PADI4: variants seen among roughly 807,000 people sequenced by gnomAD.
The protein encoded by PADI4 is peptidyl arginine deiminase 4, also known as protein-arginine deiminase type-4.
Under a neutral mutation model 75.0 loss-of-function variants are expected in PADI4, and 62 were observed. That is an observed-to-expected ratio of 0.83 (90% CI 0.67 to 1.02). The LOEUF (loss-of-function observed/expected upper bound fraction) is 1.02. PADI4 is among the 50% of genes least tolerant of loss of function. PADI4 has a pLI of 0.00. For missense variants in PADI4, 845 were observed against 850.5 expected (o/e 0.99, Z 0.08); for synonymous variants, 361 against 348.1 (o/e 1.04, Z -0.41).
chr1:17,351,712 C>T (rs925132629), intron 10 of PADI4, among the ~76,000 whole-genome samples: 27 of 150,782 alleles, frequency 1.8e-4, no homozygotes, highest in Admixed American at 1.6e-3. Context: ...GGGAGGTGAG[C>T]GAGTTGGCCA....
intron 14 of PADI4, 25 bp downstream of exon 14, chr1:17,358,933 C>T (rs1198799900): frequency 6.6e-7 from 1 of 1,520,634 alleles, no homozygotes; most frequent in Admixed American, 1.8e-5. Context: ...GCCTACACCC[C>T]AGCAGACCTG....
intron 1 of PADI4, among the ~76,000 whole-genome samples, chr1:17,324,345 G>C (rs990796796): frequency 6.6e-6 from 1 of 151,888 alleles, no homozygotes; most frequent in African/African-American, 2.4e-5. Context: ...ATGTTTTCAT[G>C]TTGATTTGCC....
At chr1:17,324,733 TTC>T (rs778467342) in intron 1 of PADI4, among the ~76,000 whole-genome samples, 7 of 152,258 alleles carry the variant, frequency 4.6e-5, no homozygotes, top group Non-Finnish European at 1.0e-4. Flanking sequence ...CTGTATCCTC[TTC>T]TAGAGATTCA....
At chr1:17,331,304 G>A (rs1014125652) in intron 2 of PADI4, among the ~76,000 whole-genome samples, 155 bp downstream of exon 2, 1 of 152,128 alleles carries the variant, frequency 6.6e-6, no homozygotes, top group Non-Finnish European at 1.5e-5. Context: ...GTGTCCTTGG[G>A]GACAATAATA....
At chr1:17,336,279 GC>G in intron 4 of PADI4, 53 bp downstream of exon 4, 1 of 1,448,524 alleles carries the variant, frequency 6.9e-7, no homozygotes, top group Non-Finnish European at 9.7e-7. Flanking sequence ...CTCCCCGGGC[GC>G]CCCCTTGTGG....
intron 1 of PADI4, among the ~76,000 whole-genome samples, chr1:17,318,956 G>A (rs1440481226): frequency 6.6e-6 from 1 of 152,072 alleles, no homozygotes; most frequent in African/African-American, 2.4e-5. Flanking sequence ...CCAAAGTGCT[G>A]GGATTACAGG....
At chr1:17,361,782 C>A (rs1315950494) in intron 15 of PADI4, among the ~76,000 whole-genome samples, 1 of 152,224 alleles carries the variant, frequency 6.6e-6, no homozygotes, top group Non-Finnish European at 1.5e-5. Flanking sequence ...AGGCCACCTG[C>A]CAATCTAATG....
At chr1:17,333,672 A>G (rs1391161291) in intron 2 of PADI4, among the ~76,000 whole-genome samples, 2 of 151,294 alleles carry the variant, frequency 1.3e-5, no homozygotes, top group Admixed American at 6.6e-5. Context: ...TCCCAGATCT[A>G]CCTCAAAGCA....
intron 15 of PADI4, 97 bp downstream of exon 15, chr1:17,359,505 C>T (rs1458011087): frequency 2.0e-6 from 3 of 1,529,912 alleles, no homozygotes; most frequent in East Asian, 2.3e-5. Context: ...GAGGGCTTGG[C>T]TCCTCTCTGT....
chr1:17,310,117 C>T (rs182142041), intron 1 of PADI4, among the ~76,000 whole-genome samples: 1 of 152,328 alleles, frequency 6.6e-6, no homozygotes, highest in African/African-American at 2.4e-5. Context: ...GTCACTCTAT[C>T]CCCTGAACAT....
intron 1 of PADI4, 32 bp downstream of exon 1, chr1:17,308,346 C>T: frequency 6.4e-7 from 1 of 1,559,518 alleles, no homozygotes; most frequent in Non-Finnish European, 8.8e-7. Flanking sequence ...GTTTTGGAGG[C>T]AGGTCAGGAG....
intron 2 of PADI4, among the ~76,000 whole-genome samples, chr1:17,332,577 G>GA (rs1279244896): frequency 7.2e-5 from 11 of 152,284 alleles, no homozygotes; most frequent in Admixed American, 7.2e-4. Flanking sequence ...GATCTGCAAA[G>GA]ACTTTTTTTC....
At chr1:17,315,419 C>T (rs1449963533) in intron 1 of PADI4, among the ~76,000 whole-genome samples, 3 of 152,118 alleles carry the variant, frequency 2.0e-5, no homozygotes, top group African/African-American at 4.8e-5. Flanking sequence ...ATGTGTGGGA[C>T]GTACTTGGCA....
chr1:17,359,271 T>A lies in PADI4; in HGVS notation c.1630-9T>A. 1.1e-6 allele frequency: 1 copy of A among 870,616 alleles called. No homozygotes were observed. The highest frequency in any genetic ancestry group is 3.8e-5 in the Admixed American group (1 of 26,108). 53.9% of individuals were successfully genotyped at this position (870,616 alleles called of 1,614,324 possible). A position where few individuals can be genotyped will look rare whatever the true frequency, so the allele number is the denominator to read the frequency against. On this transcript the variant is annotated splice_polypyrimidine_tract_variant and intron_variant, in intron 14 of 15. Transcript: ENST00000375448. ...GTCCCCCACTCACTGCCCCTGCCCC[T>A]TCCCCAAGAGATGCATCGACTGGAA...
intron 1 of PADI4, among the ~76,000 whole-genome samples, chr1:17,318,261 G>T (rs2100666543): frequency 6.6e-6 from 1 of 152,324 alleles, no homozygotes; most frequent in Middle Eastern, 3.4e-3. Context: ...ACCAGGCTGG[G>T]CTGCAAGAGG....
chr1:17,316,949 G>A lies in PADI4; in HGVS notation c.92+8635G>A, dbSNP rs1026551040. Among the ~76,000 whole-genome samples, 6 of 152,162 alleles carry A rather than the reference G, an allele frequency of 3.9e-5. No individual in the cohort carries two copies. The East Asian group carries it at 5.8e-4, about 15-fold the overall frequency. On this transcript the variant is annotated intron_variant, in intron 1 of 15. Coordinates refer to ENST00000375448, the MANE Select transcript of PADI4 (RefSeq NM_012387.3). ...AGTAGCAAGACCTCATAGTGCTGCC[G>A]TGAATGTTCAGCCGATGAGACAGTG...
intron 6 of PADI4, among the ~76,000 whole-genome samples, chr1:17,340,095 T>G (rs1007053851): frequency 1.3e-5 from 2 of 151,362 alleles, no homozygotes; most frequent in Admixed American, 6.6e-5. Context: ...GGTTATAGAC[T>G]TTGAGTGCAA....
chr1:17,321,208 G>A (rs547149517), intron 1 of PADI4, among the ~76,000 whole-genome samples: 2 of 152,164 alleles, frequency 1.3e-5, no homozygotes, highest in Admixed American at 6.5e-5. Flanking sequence ...TGTGGGAAGG[G>A]AGAGCCCTCC....
intron 1 of PADI4, among the ~76,000 whole-genome samples, chr1:17,330,494 A>C (rs1557550991): frequency 6.6e-6 from 1 of 152,168 alleles, no homozygotes; most frequent in Non-Finnish European, 1.5e-5. Context: ...GAAAGCCTCA[A>C]ACCAAGGAAG....
Sources: gnomAD v4.1 joint callset for allele counts (sites outside exome capture counted in the v4.1 genomes callset) on GRCh38, gnomAD v4.1.1 for gene constraint, MANE v1.5 for transcripts, NCBI Gene and HGNC (gene_info 2026-07-23, HGNC 2026-07-21) for gene names.